The following CEP192 variants were observed in gnomAD, a reference collection of about 807,000 sequenced individuals.
The protein encoded by CEP192 is centrosomal protein 192, also known as centrosomal protein of 192 kDa.
Under a neutral mutation model 271.8 loss-of-function variants are expected in CEP192, and 151 were observed. The ratio of observed to expected loss-of-function variants is 0.56; its 90% CI spans 0.49 to 0.64. The LOEUF is 0.64. Among genes scored for constraint, CEP192 ranks in the 30% least tolerant of loss-of-function variants. CEP192 has a pLI of 0.00. For missense variants in CEP192, 2,910 were observed against 3,020.5 expected (o/e 0.96, Z 0.86); for synonymous variants, 995 against 1,076.5 (o/e 0.92, Z 1.48).
chr18:13,030,793 G>A (rs1052889423), intron 11 of CEP192, among the ~76,000 whole-genome samples, 185 bp downstream of exon 11: 1 of 152,170 alleles, frequency 6.6e-6, no homozygotes, highest in Non-Finnish European at 1.5e-5. Context: ...TGTAGAATGA[G>A]CCAAGCCATT....
At chr18:13,008,386 T>A in intron 3 of CEP192, 70 bp from the exon 4 acceptor site, 1 of 1,070,170 alleles carries the variant, frequency 9.3e-7, no homozygotes, top group African/African-American at 1.6e-5. Context: ...CATAACTGAT[T>A]AATAAATATT....
intron 30 of CEP192, among the ~76,000 whole-genome samples, chr18:13,083,745 T>G (rs1409424494): frequency 1.3e-5 from 2 of 152,230 alleles, no homozygotes; most frequent in African/African-American, 4.8e-5. Context: ...TCTCCCCATC[T>G]TTGTGGTTTT....
At chr18:13,000,941 A>G (rs951456396) in intron 2 of CEP192, among the ~76,000 whole-genome samples, 15 of 152,204 alleles carry the variant, frequency 9.9e-5, no homozygotes, top group African/African-American at 3.6e-4. Flanking sequence ...CGACAGAGGG[A>G]GACTCTGTCT....
At chr18:13,094,165 C>G (rs969757134) in intron 34 of CEP192, among the ~76,000 whole-genome samples, 1 of 152,190 alleles carries the variant, frequency 6.6e-6, no homozygotes, top group African/African-American at 2.4e-5. Flanking sequence ...ATACTATTTT[C>G]ATCACTTAGT....
chr18:13,051,757 A>G (rs2144043502), intron 17 of CEP192, among the ~76,000 whole-genome samples: 1 of 152,190 alleles, frequency 6.6e-6, no homozygotes, highest in Non-Finnish European at 1.5e-5. Context: ...GTTAAACGGG[A>G]TGGTCTTGAT....
intron 9 of CEP192, among the ~76,000 whole-genome samples, chr18:13,023,148 A>G (rs2035087798): frequency 6.6e-6 from 1 of 152,124 alleles, no homozygotes; most frequent in Non-Finnish European, 1.5e-5. Context: ...TTCCCAATCT[A>G]TATACATTTT....
chr18:13,008,443 C>T lies in CEP192; in HGVS notation c.291-13C>T, dbSNP rs1395396889. 1 of 1,503,078 alleles carries T rather than the reference C, an allele frequency of 6.7e-7. No homozygotes were observed. 93.1% of individuals were successfully genotyped at this position (1,503,078 alleles called of 1,614,324 possible). A position where few individuals can be genotyped will look rare whatever the true frequency, so the allele number is the denominator to read the frequency against. On this transcript the variant is annotated splice_polypyrimidine_tract_variant and intron_variant, in intron 3 of 44. Transcript: ENST00000506447. ...CTAACATTTTATCATTCTTCTGTTT[C>T]CTAATAAAAAAGTTCTATCTCTAGG...
At chr18:12,997,066 G>A (rs775278466) in intron 1 of CEP192, among the ~76,000 whole-genome samples, 18 of 152,122 alleles carry the variant, frequency 1.2e-4, no homozygotes, top group Non-Finnish European at 2.5e-4. Context: ...GCCCAGCGTG[G>A]GAGGGCTTGC....
At chr18:13,124,409 A>G (rs2040811604) in intron 44 of CEP192, 1 of 403,440 alleles carries the variant, frequency 2.5e-6, no homozygotes, top group South Asian at 7.9e-5. Context: ...ATAGCCAGGA[A>G]TACATACGTA....
chr18:13,054,702 T>G (rs1424635950), intron 18 of CEP192, among the ~76,000 whole-genome samples: 5 of 152,244 alleles, frequency 3.3e-5, no homozygotes, highest in Non-Finnish European at 7.3e-5. Flanking sequence ...TTATTTGTTA[T>G]TATTAATTGG....
chr18:13,095,049 T>A (rs1381248983), intron 34 of CEP192, among the ~76,000 whole-genome samples: 1 of 152,196 alleles, frequency 6.6e-6, no homozygotes, highest in Non-Finnish European at 1.5e-5. Flanking sequence ...ACGTATTTTT[T>A]TAAAAGACAG....
intron 33 of CEP192, among the ~76,000 whole-genome samples, chr18:13,090,762 A>G (rs2039103811): frequency 6.6e-6 from 1 of 152,208 alleles, no homozygotes; most frequent in Non-Finnish European, 1.5e-5. Context: ...GTCCCACTAC[A>G]GCCCCACCTC....
At chr18:13,007,424 A>G (rs1267519103) in intron 3 of CEP192, among the ~76,000 whole-genome samples, 1 of 152,126 alleles carries the variant, frequency 6.6e-6, no homozygotes, top group Non-Finnish European at 1.5e-5. Flanking sequence ...CTGTCACTCT[A>G]AAGTTCTGGT....
chr18:13,123,426 G>A (rs773935430), intron 44 of CEP192, among the ~76,000 whole-genome samples: 1 of 152,170 alleles, frequency 6.6e-6, no homozygotes, highest in Admixed American at 6.5e-5. Context: ...CAGGAAAAGG[G>A]CTTTGAAATA....
chr18:13,026,906 C>G (rs1055971958), intron 9 of CEP192, among the ~76,000 whole-genome samples: 7 of 152,134 alleles, frequency 4.6e-5, no homozygotes, highest in African/African-American at 1.7e-4. Context: ...CTTGCCTTGT[C>G]TCTTCAAACT....
intron 44 of CEP192, among the ~76,000 whole-genome samples, chr18:13,118,766 T>A (rs2040541703): frequency 6.6e-6 from 1 of 152,182 alleles, no homozygotes; most frequent in Non-Finnish European, 1.5e-5. Context: ...GACGTGGTAA[T>A]AATGCCCAGA....
chr18:12,992,218 C>A (rs969410489), intron 1 of CEP192, among the ~76,000 whole-genome samples: 3 of 152,140 alleles, frequency 2.0e-5, no homozygotes, highest in Non-Finnish European at 4.4e-5. Context: ...GCTCCAAAAT[C>A]AACTTTTTCT....
intron 30 of CEP192, among the ~76,000 whole-genome samples, chr18:13,082,886 C>T (rs1297573042): frequency 2.0e-5 from 3 of 151,668 alleles, no homozygotes; most frequent in Admixed American, 6.6e-5. Context: ...TATGAAGCTT[C>T]GTTTGGCTGG....
At chr18:13,008,326 C>CA (rs1158658556) in intron 3 of CEP192, 130 bp from the exon 4 acceptor site, 1 of 681,302 alleles carries the variant, frequency 1.5e-6, no homozygotes, top group East Asian at 2.8e-5. Context: ...TGGCTAGACT[C>CA]AAATGTTTCT....
Sources: gnomAD v4.1 joint callset for allele counts (sites outside exome capture counted in the v4.1 genomes callset) on GRCh38, gnomAD v4.1.1 for gene constraint, MANE v1.5 for transcripts, NCBI Gene and HGNC (gene_info 2026-07-23, HGNC 2026-07-21) for gene names.